The following TBCK variants were observed in gnomAD, a reference collection of about 807,000 sequenced individuals.
TBCK encodes TBC1 domain containing kinase.
A neutral mutation model predicts 113.4 loss-of-function variants in TBCK; 99 were observed. That is an observed-to-expected ratio of 0.87 (90% confidence interval 0.74 to 1.03). TBCK has a LOEUF of 1.03. Among genes scored for constraint, TBCK ranks in the 50% least tolerant of loss-of-function variants. TBCK has a pLI of 0.00. For synonymous variants in TBCK, 369 were observed against 370.8 expected (o/e 1.00, Z 0.05); for missense variants, 1,045 against 1,061.3 (o/e 0.98, Z 0.21).
chr4:106,233,596 C>A lies in TBCK; in HGVS notation c.1504G>T (p.Asp502Tyr). The A allele has an allele frequency of 3.1e-6, 5 of 1,610,980 alleles. No individual in the cohort carries two copies. Among genetic ancestry groups the A allele is most frequent in the Non-Finnish European group, 4.2e-6 (5 of 1,178,154 alleles). ...AIDKDTPIPT[D>Y]RQIEVDIPRC... is the part of the protein sequence containing the mutation. ...GAAAACCTAAATCATACTTGTCTAT[C>A]TGTAGGAATTGGAGTGTCTTTATCA... Residue 502 changes from aspartate (D) to tyrosine (Y), a missense_variant, in exon 16 of 26, where the codon GAT (aspartate) becomes TAT (tyrosine). Asp to Tyr is a radical substitution (Grantham distance 160). Transcript: ENST00000394708.
intron 17 of TBCK, among the ~76,000 whole-genome samples, chr4:106,232,360 C>T (rs1422062600): frequency 6.6e-6 from 1 of 151,710 alleles, no homozygotes; most frequent in Non-Finnish European, 1.5e-5. Flanking sequence ...TTTATTTAAA[C>T]TATGGTAAGA....
intron 25 of TBCK, among the ~76,000 whole-genome samples, chr4:106,063,336 T>C (rs1296298830): frequency 3.3e-5 from 5 of 151,960 alleles, no homozygotes; most frequent in African/African-American, 1.2e-4. Flanking sequence ...ATGCTTAAGG[T>C]ATAAAGAGGT....
intron 12 of TBCK, among the ~76,000 whole-genome samples, chr4:106,237,052 G>A (rs916935023): frequency 6.6e-6 from 1 of 151,850 alleles, no homozygotes; most frequent in Non-Finnish European, 1.5e-5. Flanking sequence ...ATAAATGTTA[G>A]ACACTTATCA....
At chr4:106,129,644 T>C (rs1745645817) in intron 23 of TBCK, among the ~76,000 whole-genome samples, 1 of 152,184 alleles carries the variant, frequency 6.6e-6, no homozygotes. Context: ...AAACATATAC[T>C]TGACAAAAGA....
chr4:106,230,013 T>A (rs1233942967), intron 19 of TBCK, among the ~76,000 whole-genome samples: 1 of 151,956 alleles, frequency 6.6e-6, no homozygotes. Flanking sequence ...GCTTACACAA[T>A]TAAACATTTA....
chr4:106,181,552 G>A (rs1229300766), intron 22 of TBCK, among the ~76,000 whole-genome samples: 3 of 152,144 alleles, frequency 2.0e-5, no homozygotes, highest in Admixed American at 1.3e-4. Flanking sequence ...TGTATAAGGT[G>A]TAAGGACGGG....
chr4:106,280,133 G>C (rs1436110449), intron 3 of TBCK, among the ~76,000 whole-genome samples: 1 of 152,082 alleles, frequency 6.6e-6, no homozygotes, highest in East Asian at 1.9e-4. Context: ...ATTTTAACTG[G>C]AGTGAGATGA....
At chr4:106,111,657 C>T (rs1252131193) in intron 24 of TBCK, among the ~76,000 whole-genome samples, 2 of 152,180 alleles carry the variant, frequency 1.3e-5, no homozygotes, top group Admixed American at 1.3e-4. Context: ...AGAGCTAGTA[C>T]TTTTCAAGTC....
At position 106,233,636 on chromosome 4, in the gene TBCK, G is replaced by C. The variant is rs1232725571; in HGVS notation, c.1464C>G (p.Ala488=). The change falls in exon 16 of 26, where the codon GCC becomes GCG. Residue 488 remains alanine (A), a synonymous_variant. Coordinates refer to ENST00000394708, the MANE Select transcript of TBCK (RefSeq NM_001163435.3). ...ALLGVEGAIH[A]KYDAIDKDTP... ...TGTCTTTATCAATTGCATCGTACTT[G>C]GCATGAATAGCTCCCTGCAAAAAAT... is the stretch of plus-strand genomic sequence containing the variant. 4 of 1,609,198 alleles carry C rather than the reference G, an allele frequency of 2.5e-6. No individual in the cohort carries two copies. Among genetic ancestry groups the C allele is most frequent in the Non-Finnish European group, 3.4e-6 (4 of 1,177,126 alleles).
intron 23 of TBCK, among the ~76,000 whole-genome samples, chr4:106,122,593 C>T (rs1485074666): frequency 4.6e-5 from 7 of 152,172 alleles, no homozygotes; most frequent in Admixed American, 3.9e-4. Context: ...TTTAGACCAA[C>T]ATCCCTGATG....
intron 23 of TBCK, among the ~76,000 whole-genome samples, chr4:106,163,871 T>G (rs1355530533): frequency 1.3e-5 from 2 of 152,088 alleles, no homozygotes; most frequent in Admixed American, 1.3e-4. Flanking sequence ...GCCTTTCTTC[T>G]TCTCTACACT....
At chr4:106,091,768 G>C (rs972847433) in intron 25 of TBCK, among the ~76,000 whole-genome samples, 5 of 152,188 alleles carry the variant, frequency 3.3e-5, no homozygotes, top group Non-Finnish European at 5.9e-5. Context: ...AAAGAACAAA[G>C]CTTCCACAGT....
chr4:106,255,868 G>C (rs955337439), intron 5 of TBCK, among the ~76,000 whole-genome samples: 8 of 152,148 alleles, frequency 5.3e-5, no homozygotes, highest in African/African-American at 1.9e-4. Flanking sequence ...AACACCTAAA[G>C]AGACCCACAG....
At chr4:106,231,032 T>G (rs1758801496) in intron 18 of TBCK, among the ~76,000 whole-genome samples, 1 of 151,832 alleles carries the variant, frequency 6.6e-6, no homozygotes, top group Non-Finnish European at 1.5e-5. Flanking sequence ...CTATTTTTAC[T>G]TAATTCCAGA....
At chr4:106,052,306 C>T (rs1578753730) in intron 25 of TBCK, among the ~76,000 whole-genome samples, 1 of 151,688 alleles carries the variant, frequency 6.6e-6, no homozygotes, top group South Asian at 2.1e-4. Context: ...AGGAGAAGAA[C>T]AGGTAATTCC....
intron 20 of TBCK, among the ~76,000 whole-genome samples, chr4:106,202,192 T>TAA (rs1282462208): frequency 7.1e-6 from 1 of 140,670 alleles, no homozygotes; most frequent in Non-Finnish European, 1.6e-5. Flanking sequence ...TTTTTTTTTT[T>TAA]AAATTAGGAG....
rs1473180872 is a variant in TBCK at position 106,045,054 on chromosome 4, TTTC to T, written c.*1513_*1515del. 1 of 141,880 alleles carries T rather than the reference TTTC, an allele frequency of 7.0e-6. No homozygotes were observed. Among genetic ancestry groups the T allele is most frequent in the Non-Finnish European group, 1.5e-5 (1 of 66,430 alleles). The allele number at this position is 141,880 out of a possible 1,614,324, so 8.8% of individuals were successfully genotyped here. A position where few individuals can be genotyped will look rare whatever the true frequency, so the allele number is the denominator to read the frequency against. ...CAGATTTCTGAAATGGGAATGTATC[TTTC>T]TTTTTTTTTTTTTTTTTGAGATGGC... On this transcript the variant is annotated 3_prime_UTR_variant, in exon 26 of 26. Transcript: ENST00000394708.
At chr4:106,215,146 T>G (rs1333191021) in intron 19 of TBCK, among the ~76,000 whole-genome samples, 1 of 151,112 alleles carries the variant, frequency 6.6e-6, no homozygotes, top group Non-Finnish European at 1.5e-5. Context: ...AATAAAATAC[T>G]TTACAGACAA....
intron 25 of TBCK, among the ~76,000 whole-genome samples, chr4:106,089,785 T>C (rs1201950354): frequency 1.3e-5 from 2 of 152,230 alleles, no homozygotes; most frequent in East Asian, 3.8e-4. Flanking sequence ...TCCTTTGACA[T>C]GTCCTACATC....
Sources: gnomAD v4.1 joint callset for allele counts (sites outside exome capture counted in the v4.1 genomes callset) on GRCh38, gnomAD v4.1.1 for gene constraint, MANE v1.5 for transcripts, NCBI Gene and HGNC (gene_info 2026-07-23, HGNC 2026-07-21) for gene names.